Variants in UBE2N observed in about 807,000 individuals in gnomAD.
The protein encoded by UBE2N is ubiquitin conjugating enzyme E2 N.
For missense variants in UBE2N, 60 were observed against 192.1 expected (o/e 0.31, Z 4.07); for synonymous variants, 70 against 69.2 (o/e 1.01, Z -0.06).
In UBE2N at chr12:93,418,154, T is replaced by TA. The variant is rs549850465; in HGVS notation, c.31-6856dup. On this transcript the variant is annotated intron_variant, in intron 1 of 3. Coordinates refer to ENST00000318066, the MANE Select transcript of UBE2N (RefSeq NM_003348.4). ...CAATAAGTGAGCATTTAAAAAATGT[T>TA]ACCACCAGCCTGGGCAACATAGCAA... Among the ~76,000 whole-genome samples the TA allele has an allele frequency of 1.1e-4, 17 of 152,160 alleles. No individual in the cohort carries two copies. The South Asian group carries it at 3.3e-3, about 30-fold the overall frequency.
At chr12:93,428,845 T>C (rs1015967443) in intron 1 of UBE2N, among the ~76,000 whole-genome samples, 4 of 152,152 alleles carry the variant, frequency 2.6e-5, no homozygotes, top group African/African-American at 7.2e-5. Flanking sequence ...GGAGAAGAAA[T>C]AGGCAAGGTC....
rs1453579786 is a variant in UBE2N, at chr12:93,419,999, A to G, written c.31-8700T>C. 3.3e-5 allele frequency among the ~76,000 whole-genome samples: 5 copies of G among 152,300 alleles called. No homozygotes were observed. In the East Asian group the frequency reaches 9.6e-4, roughly 29 times the overall value. On this transcript the variant is annotated intron_variant, in intron 1 of 3. Coordinates refer to ENST00000318066, the MANE Select transcript of UBE2N (RefSeq NM_003348.4). ...CTGAAAATGCCTATCCTAAAGTCAAATGGAGAATAATGATTCTCAAGACAC... is the reference window on the plus strand; with the variant it reads ...CTGAAAATGCCTATCCTAAAGTCAAGTGGAGAATAATGATTCTCAAGACAC...
At position 93,408,633 on chromosome 12, in the gene UBE2N, T is replaced by C. The variant is rs1487714710; in HGVS notation, c.*1406A>G. The C allele has an allele frequency of 2.0e-5, 3 of 151,972 alleles. No homozygotes were observed. The highest frequency in any genetic ancestry group is 7.3e-5 in the African/African-American group (3 of 41,360). The allele number at this position is 151,972 out of a possible 1,614,324, so 9.4% of individuals were successfully genotyped here. A position where few individuals can be genotyped will look rare whatever the true frequency, so the allele number is the denominator to read the frequency against. ...TATGGAGAGAGGTGGGAAAGAACAG[T>C]TTTGTGAGGGGAGGAATTCGTCAAT... On this transcript the variant is annotated 3_prime_UTR_variant, in exon 4 of 4. Coordinates refer to ENST00000318066, the MANE Select transcript of UBE2N (RefSeq NM_003348.4).
chr12:93,437,820 T>C (rs1452629241), intron 1 of UBE2N, among the ~76,000 whole-genome samples: 5 of 152,066 alleles, frequency 3.3e-5, no homozygotes, highest in Non-Finnish European at 1.5e-5. Flanking sequence ...AAACAGTGGT[T>C]TTCTAAGCAG....
chr12:93,411,524 G>T (rs1051360556), intron 1 of UBE2N, among the ~76,000 whole-genome samples: 2 of 152,100 alleles, frequency 1.3e-5, no homozygotes, highest in African/African-American at 4.8e-5. Flanking sequence ...ATACATTTTG[G>T]CTACAAATGT....
intron 1 of UBE2N, among the ~76,000 whole-genome samples, chr12:93,416,066 T>C (rs1878198205): frequency 1.3e-5 from 2 of 152,222 alleles, no homozygotes; most frequent in Admixed American, 1.3e-4. Context: ...CATTTTGAAA[T>C]AGTCCTTATA....
At chr12:93,414,177 T>C (rs1000334437) in intron 1 of UBE2N, among the ~76,000 whole-genome samples, 2 of 136,828 alleles carry the variant, frequency 1.5e-5, no homozygotes, top group Non-Finnish European at 3.2e-5. Context: ...AGTCTGGGCA[T>C]GGTGGCTCAC....
At chr12:93,410,908 T>C (rs1878014237) in intron 2 of UBE2N, 34 bp from the exon 3 acceptor site, 4 of 1,614,008 alleles carry the variant, frequency 2.5e-6, no homozygotes, top group African/African-American at 1.3e-5. Context: ...TGATAAAGCA[T>C]GAAAAAAACA....
intron 1 of UBE2N, 84 bp from the exon 2 acceptor site, chr12:93,411,383 G>A (rs1347625228): frequency 2.0e-6 from 3 of 1,518,006 alleles, no homozygotes. Flanking sequence ...TCATCTCTTA[G>A]AACTACGCAT....
At chr12:93,426,953 T>G (rs1289103320) in intron 1 of UBE2N, among the ~76,000 whole-genome samples, 1 of 152,144 alleles carries the variant, frequency 6.6e-6, no homozygotes, top group Non-Finnish European at 1.5e-5. Context: ...TTTTTTTTCT[T>G]TTGTCGCCCA....
At chr12:93,431,059 T>C (rs1348422382) in intron 1 of UBE2N, among the ~76,000 whole-genome samples, 1 of 151,862 alleles carries the variant, frequency 6.6e-6, no homozygotes, top group African/African-American at 2.4e-5. Flanking sequence ...AAACCCCGTC[T>C]CTACTAAAAA....
chr12:93,422,880 T>C (rs774127761), intron 1 of UBE2N, among the ~76,000 whole-genome samples: 6 of 152,216 alleles, frequency 3.9e-5, no homozygotes, highest in Non-Finnish European at 8.8e-5. Flanking sequence ...CTCTTTAGTA[T>C]AATGTTGGAG....
intron 1 of UBE2N, among the ~76,000 whole-genome samples, chr12:93,432,552 C>T (rs1157583188): frequency 6.6e-6 from 1 of 151,340 alleles, no homozygotes; most frequent in Non-Finnish European, 1.5e-5. Context: ...AAGAAAGTTA[C>T]AGAGCAATAA....
At chr12:93,430,760 TTATATATG>T (rs1027387061) in intron 1 of UBE2N, among the ~76,000 whole-genome samples, 1 of 148,204 alleles carries the variant, frequency 6.7e-6, no homozygotes, top group African/African-American at 2.5e-5. Context: ...GTAATATATA[TTATATATG>T]TATATATATT....
At chr12:93,429,082 C>G (rs950958373) in intron 1 of UBE2N, among the ~76,000 whole-genome samples, 6 of 151,880 alleles carry the variant, frequency 4.0e-5, no homozygotes, top group African/African-American at 1.5e-4. Flanking sequence ...TCAGCCTGAC[C>G]AACATGGTGA....
rs777015546 is a variant in UBE2N at position 93,441,914 on chromosome 12, C to T, written c.-30G>A. On this transcript the variant is annotated 5_prime_UTR_variant, in exon 1 of 4. Coordinates refer to ENST00000318066, the MANE Select transcript of UBE2N (RefSeq NM_003348.4). ...TCAGAACCCGAGTTCGGCCTCTGGT[C>T]TCGTCTCCGGCTCCTCTCGCCTCAC... 5 of 1,568,034 alleles carry T rather than the reference C, an allele frequency of 3.2e-6. No homozygotes were observed. The Admixed American group carries it at 7.4e-5, about 23-fold the overall frequency.
intron 1 of UBE2N, among the ~76,000 whole-genome samples, chr12:93,433,652 C>T (rs558608061): frequency 6.6e-6 from 1 of 152,174 alleles, no homozygotes; most frequent in South Asian, 2.1e-4. Context: ...GAAAGCAGCA[C>T]TGTATAAGAT....
chr12:93,422,533 T>C (rs1468080066), intron 1 of UBE2N, among the ~76,000 whole-genome samples: 2 of 152,096 alleles, frequency 1.3e-5, no homozygotes, highest in East Asian at 1.9e-4. Context: ...GTTCTGGGAG[T>C]GGGTATATAA....
intron 1 of UBE2N, among the ~76,000 whole-genome samples, chr12:93,435,191 G>C (rs182982704): frequency 6.4e-4 from 98 of 152,268 alleles, no homozygotes; most frequent in Non-Finnish European, 1.2e-3. Flanking sequence ...ACAACAGATA[G>C]GACAGGCGCG....
Sources: gnomAD v4.1 joint callset for allele counts (sites outside exome capture counted in the v4.1 genomes callset) on GRCh38, gnomAD v4.1.1 for gene constraint, MANE v1.5 for transcripts, NCBI Gene and HGNC (gene_info 2026-07-23, HGNC 2026-07-21) for gene names.